The following LINGO1 variants were observed in gnomAD, a reference collection of about 807,000 sequenced individuals.
The protein encoded by LINGO1 is leucine rich repeat and Ig domain containing 1, also known as leucine-rich repeat and immunoglobulin-like domain-containing nogo receptor-interacting protein 1.
LINGO1 carries 11 observed loss-of-function variants against 37.3 expected under a neutral mutation model. The ratio of observed to expected loss-of-function variants is 0.29; its 90% CI spans 0.19 to 0.49. The LOEUF is 0.49. Ranked by LOEUF, LINGO1 falls within the 20% of genes least tolerant of loss-of-function variation. The pLI is 0.99. For synonymous variants in LINGO1, 387 were observed against 403.0 expected (o/e 0.96, Z 0.48); for missense variants, 585 against 878.2 (o/e 0.67, Z 4.22).
intron 1 of LINGO1, among the ~76,000 whole-genome samples, chr15:77,739,863 G>A (rs1330762584): frequency 6.6e-6 from 1 of 152,264 alleles, no homozygotes; most frequent in African/African-American, 2.4e-5. Flanking sequence ...GCTTCCTGGA[G>A]GTCTGTGCCT....
At chr15:77,753,649 A>T (rs1354990070) in intron 1 of LINGO1, among the ~76,000 whole-genome samples, 2 of 152,212 alleles carry the variant, frequency 1.3e-5, no homozygotes, top group Non-Finnish European at 2.9e-5. Flanking sequence ...AGTCTGGTGG[A>T]GGAGGGTCAG....
intron 3 of LINGO1, among the ~76,000 whole-genome samples, chr15:77,653,597 C>T (rs192235552): frequency 1.6e-4 from 25 of 152,298 alleles, no homozygotes; most frequent in Non-Finnish European, 3.1e-4. Context: ...AAACGAGGCA[C>T]GGGACCAGGG....
At chr15:77,656,415 C>T (rs1375409568) in intron 3 of LINGO1, among the ~76,000 whole-genome samples, 1 of 152,186 alleles carries the variant, frequency 6.6e-6, no homozygotes, top group African/African-American at 2.4e-5. Flanking sequence ...AAGCCTACAC[C>T]GCCTGCGAAG....
intron 3 of LINGO1, among the ~76,000 whole-genome samples, chr15:77,656,240 T>C (rs895400564): frequency 6.6e-6 from 1 of 152,184 alleles, no homozygotes; most frequent in African/African-American, 2.4e-5. Flanking sequence ...GGCCCTGGAC[T>C]GAGCTTTGGG....
At chr15:77,723,782 C>A (rs1014226745) in intron 2 of LINGO1, among the ~76,000 whole-genome samples, 1 of 152,132 alleles carries the variant, frequency 6.6e-6, no homozygotes, top group East Asian at 1.9e-4. Flanking sequence ...GATGGAACGA[C>A]CCCAGCCCCA....
chr15:77,789,893 TC>T (rs911621350), upstream of LINGO1, among the ~76,000 whole-genome samples: 1 of 152,084 alleles, frequency 6.6e-6, no homozygotes. Flanking sequence ...TCAAGCAGCC[TC>T]CCAAGTAGCT....
chr15:77,632,379 C>A lies in LINGO1; in HGVS notation c.-64G>T. ...TCGCATGTCTCTCCAGCCGGCCCGA[C>A]CAGGCCCCAGCCCCTGCCCAGCCCC... On this transcript the variant is annotated 5_prime_UTR_variant, in exon 1 of 2. Coordinates refer to ENST00000355300, the MANE Select transcript of LINGO1 (RefSeq NM_032808.7). The surrounding 1 kb of genome is among the most constrained non-coding windows in gnomAD (Gnocchi z 6.0). 1 of 1,354,122 alleles carries A rather than the reference C, an allele frequency of 7.4e-7. No homozygotes were observed. Among genetic ancestry groups the A allele is most frequent in the Non-Finnish European group, 9.5e-7 (1 of 1,048,616 alleles). The allele number at this position is 1,354,122 out of a possible 1,614,324, so 83.9% of individuals were successfully genotyped here. A position where few individuals can be genotyped will look rare whatever the true frequency, so the allele number is the denominator to read the frequency against.
At chr15:77,805,742 C>T (rs1474047181) in intron 1 of LINGO1, among the ~76,000 whole-genome samples, 2 of 152,126 alleles carry the variant, frequency 1.3e-5, no homozygotes, top group South Asian at 2.1e-4. Context: ...CGTTTCCTGC[C>T]GGGCCCCTGT....
intron 2 of LINGO1, among the ~76,000 whole-genome samples, chr15:77,730,698 A>G (rs978114967): frequency 6.6e-6 from 1 of 152,214 alleles, no homozygotes; most frequent in East Asian, 1.9e-4. Flanking sequence ...AGGCAGGGGG[A>G]AAAAAGCCAG....
In LINGO1 at chr15:77,614,215, G is replaced by A. The variant is rs1595973175; in HGVS notation, c.1692C>T (p.Gly564=). ...IKTLIIATTM[G]FISFLGVVLF... is the part of the protein sequence containing the mutation. ...GGACGACGCCCAGGAAAGAGATGAA[G>A]CCCATGGTGGTGGCGATGATGAGGG... Residue 564 remains glycine, a synonymous_variant, in exon 2 of 2, where the codon GGC becomes GGT. Transcript: ENST00000355300. The A allele has an allele frequency of 6.2e-7, 1 of 1,614,050 alleles. No homozygotes were observed. The highest frequency in any genetic ancestry group is 8.5e-7 in the Non-Finnish European group (1 of 1,179,896).
intron 1 of LINGO1, among the ~76,000 whole-genome samples, chr15:77,817,497 C>CT (rs2077058082): frequency 6.6e-6 from 1 of 152,180 alleles, no homozygotes; most frequent in Non-Finnish European, 1.5e-5. Flanking sequence ...ACTCCCAGAG[C>CT]TGTGCAGAGG....
intron 1 of LINGO1, among the ~76,000 whole-genome samples, chr15:77,758,272 A>G (rs1334684320): frequency 1.3e-5 from 2 of 152,108 alleles, no homozygotes; most frequent in Non-Finnish European, 2.9e-5. Flanking sequence ...TCAATGCAAC[A>G]AGTAGGTACA....
chr15:77,801,989 A>AC (rs1179998599), intron 1 of LINGO1, among the ~76,000 whole-genome samples: 1 of 152,140 alleles, frequency 6.6e-6, no homozygotes, highest in African/African-American at 2.4e-5. Flanking sequence ...GGATAAAGGG[A>AC]ACATAGAAAG....
intron 1 of LINGO1, among the ~76,000 whole-genome samples, chr15:77,735,266 C>CTT (rs1402048673): frequency 2.6e-5 from 4 of 152,174 alleles, no homozygotes; most frequent in African/African-American, 9.7e-5. Context: ...ATTGCACTTT[C>CTT]GGTAAAGCAA....
intron 3 of LINGO1, among the ~76,000 whole-genome samples, chr15:77,647,407 G>A (rs533580532): frequency 6.6e-6 from 1 of 151,746 alleles, no homozygotes. Flanking sequence ...CAGCTGGGGG[G>A]TGGTGGGGGG....
intron 2 of LINGO1, among the ~76,000 whole-genome samples, chr15:77,684,768 C>G (rs2075474579): frequency 6.6e-6 from 1 of 152,156 alleles, no homozygotes; most frequent in Non-Finnish European, 1.5e-5. Context: ...AGGCAAGGAC[C>G]CCAGTGACCT....
At chr15:77,759,626 G>A (rs1306009180) in intron 1 of LINGO1, among the ~76,000 whole-genome samples, 2 of 152,208 alleles carry the variant, frequency 1.3e-5, no homozygotes. Flanking sequence ...AACTTCAGAA[G>A]TGCAGGGGAG....
intron 1 of LINGO1, among the ~76,000 whole-genome samples, chr15:77,751,170 T>C (rs2076367567): frequency 6.6e-6 from 1 of 151,938 alleles, no homozygotes; most frequent in Non-Finnish European, 1.5e-5. Context: ...ATCTCTGCCT[T>C]TACTCATGCT....
intron 1 of LINGO1, among the ~76,000 whole-genome samples, chr15:77,751,938 C>T (rs1264245720): frequency 6.6e-6 from 1 of 152,194 alleles, no homozygotes; most frequent in Non-Finnish European, 1.5e-5. Context: ...TTTGTTCCAT[C>T]ATCTCACCAA....
Sources: gnomAD v4.1 joint callset for allele counts (sites outside exome capture counted in the v4.1 genomes callset) on GRCh38, gnomAD v4.1.1 for gene constraint, Gnocchi (gnomAD v3.1) non-coding constraint, MANE v1.5 for transcripts, NCBI Gene and HGNC (gene_info 2026-07-23, HGNC 2026-07-21) for gene names.